Variants in CUL2 observed in about 807,000 individuals in gnomAD.
CUL2 encodes cullin 2.
CUL2 carries 22 observed loss-of-function variants against 110.2 expected under a neutral mutation model. The observed-to-expected ratio is 0.20, with a 90% CI of 0.14 to 0.28. The LOEUF (loss-of-function observed/expected upper bound fraction) is 0.28. Ranked by LOEUF, CUL2 falls within the 10% of genes least tolerant of loss-of-function variation. The pLI is 1.00. For missense variants in CUL2, 631 were observed against 905.5 expected, an observed-to-expected ratio of 0.70 and a Z score of 3.89; for synonymous variants, 279 against 293.2, an observed-to-expected ratio of 0.95 and a Z score of 0.49.
Position 35,011,934 on chromosome 10 carries a change from C to T in CUL2, c.2020G>A (p.Glu674Lys), listed in dbSNP as rs1468696147. Reference protein sequence around the residue: ...EMEQTRSAVDEDRKMYLQAAI... With the variant: ...EMEQTRSAVDKDRKMYLQAAI... The stretch of plus-strand genomic sequence containing the variant: ...GCTTGGAGATACATTTTCCGGTCCT[C>T]ATCAACTGCACTTCTAGTCTGCTCC... The change falls in exon 20 of 21, where the codon GAG becomes AAG. Residue 674 changes from glutamate (E) to lysine (K), a missense_variant. By Grantham distance (56) the Glu-to-Lys change is moderately conservative (BLOSUM62 1). Coordinates refer to ENST00000374749, the MANE Select transcript of CUL2 (RefSeq NM_003591.4). 6.2e-7 allele frequency: 1 copy of T among 1,610,346 alleles called. No individual in the cohort carries two copies.
At chr10:35,010,603 C>T (rs2084875398) in intron 20 of CUL2, among the ~76,000 whole-genome samples, 161 bp from the exon 21 acceptor site, 1 of 152,124 alleles carries the variant, frequency 6.6e-6, no homozygotes, top group African/African-American at 2.4e-5. Context: ...ATGGATACAG[C>T]AAAATCTAAT....
At chr10:35,102,114 C>G (rs2087388200) in intron 1 of CUL2, among the ~76,000 whole-genome samples, 1 of 152,040 alleles carries the variant, frequency 6.6e-6, no homozygotes. Context: ...GTGGCACATG[C>G]CTGTAATCCC....
chr10:35,110,260 G>A (rs2087509416), intron 1 of CUL2, among the ~76,000 whole-genome samples: 1 of 152,172 alleles, frequency 6.6e-6, no homozygotes, highest in Non-Finnish European at 1.5e-5. Flanking sequence ...CACAGACTGG[G>A]TGGATTAAAG....
Position 35,087,602 on chromosome 10 carries a change from CTCT to C in CUL2, c.-23+2574_-23+2576del, listed in dbSNP as rs1254857418. On this transcript the variant is annotated intron_variant, in intron 1 of 20. Transcript: ENST00000374749. ...CATACAACAGCCTGCTTCCCCCAAC[CTCT>C]TCTTCATCTCAGTACACAGCATCAT... is the stretch of plus-strand genomic sequence containing the variant. Among the ~76,000 whole-genome samples the C allele has an allele frequency of 7.9e-5, 12 of 152,286 alleles. No individual in the cohort carries two copies. In the East Asian group the frequency reaches 1.7e-3, roughly 22 times the overall value.
At chr10:35,034,905 C>T (rs561346132) in intron 10 of CUL2, among the ~76,000 whole-genome samples, 6 of 152,244 alleles carry the variant, frequency 3.9e-5, no homozygotes, top group East Asian at 1.9e-4. Context: ...TTAAAAATGG[C>T]GAGCTTATTT....
Position 35,010,319 on chromosome 10 carries a change from C to G in CUL2, c.2230G>C (p.Val744Leu). 6.2e-7 allele frequency: 1 copy of G among 1,608,868 alleles called. No individual in the cohort carries two copies. Among genetic ancestry groups the G allele is most frequent in the Non-Finnish European group, 8.5e-7 (1 of 1,177,496 alleles). The change falls in exon 21 of 21, where the codon GTC becomes CTC. Residue 744 changes from valine (V) to leucine (L), a missense_variant. This residue lies in a region of CUL2 where 159 missense variants were observed against 202.7 expected (regional missense o/e 0.78). Coordinates refer to ENST00000374749, the MANE Select transcript of CUL2 (RefSeq NM_003591.4). The part of the protein sequence containing the change: ...SQASADEYSY[V>L]A ...GCTGGAGGAGAGCGACATCACGCGA[C>G]GTAGCTGTATTCATCTGCCGACGCC...
chr10:35,020,656 T>C (rs962515980), intron 17 of CUL2, among the ~76,000 whole-genome samples: 3 of 152,174 alleles, frequency 2.0e-5, no homozygotes, highest in Non-Finnish European at 2.9e-5. Flanking sequence ...TGACCAGCAA[T>C]CTCTACAACT....
At chr10:35,030,978 A>G (rs2085467848) in intron 14 of CUL2, among the ~76,000 whole-genome samples, 2 of 152,254 alleles carry the variant, frequency 1.3e-5, no homozygotes, top group African/African-American at 4.8e-5. Context: ...ATCGGTATGT[A>G]AGCAAGCTGA....
chr10:35,024,645 T>G (rs1489229327), intron 17 of CUL2, among the ~76,000 whole-genome samples: 1 of 152,198 alleles, frequency 6.6e-6, no homozygotes, highest in East Asian at 1.9e-4. Flanking sequence ...AATTAGATTG[T>G]GATAAAAGTT....
At chr10:35,013,646 C>A in intron 19 of CUL2, 53 bp downstream of exon 19, 1 of 1,157,260 alleles carries the variant, frequency 8.6e-7, no homozygotes. Flanking sequence ...CTTGTAAAGT[C>A]CAATGCTTAA....
chr10:35,040,021 C>T (rs2085741158), intron 8 of CUL2, among the ~76,000 whole-genome samples: 1 of 152,112 alleles, frequency 6.6e-6, no homozygotes, highest in South Asian at 2.1e-4. Flanking sequence ...GGTGTGGTGG[C>T]AGGTGCCTGT....
intron 1 of CUL2, among the ~76,000 whole-genome samples, chr10:35,125,418 T>C (rs947709418): frequency 1.2e-4 from 18 of 152,260 alleles, no homozygotes; most frequent in Admixed American, 3.9e-4. Context: ...TTCCTTTGAT[T>C]CTTTTTGATT....
chr10:35,048,831 T>C (rs900257095), intron 6 of CUL2, among the ~76,000 whole-genome samples: 1 of 152,198 alleles, frequency 6.6e-6, no homozygotes, highest in Non-Finnish European at 1.5e-5. Flanking sequence ...ATGTGAGGCA[T>C]AGGGGTGGGT....
chr10:35,047,393 G>A (rs1211845116), intron 6 of CUL2, among the ~76,000 whole-genome samples: 4 of 151,172 alleles, frequency 2.6e-5, no homozygotes, highest in Admixed American at 6.6e-5. Context: ...GGTGGATCAC[G>A]AGGTCAGGAG....
chr10:35,088,623 C>T (rs911548168), intron 1 of CUL2, among the ~76,000 whole-genome samples: 13 of 151,124 alleles, frequency 8.6e-5, no homozygotes, highest in African/African-American at 2.9e-4. Flanking sequence ...TGCCAGACAA[C>T]GCAAAAATGA....
At chr10:35,088,639 A>G (rs1020527206) in intron 1 of CUL2, among the ~76,000 whole-genome samples, 2 of 152,296 alleles carry the variant, frequency 1.3e-5, no homozygotes, top group African/African-American at 4.8e-5. Context: ...AATGACTTTA[A>G]AGAAGGTCCA....
intron 17 of CUL2, among the ~76,000 whole-genome samples, chr10:35,023,522 GA>G (rs1364328427): frequency 6.6e-6 from 1 of 152,108 alleles, no homozygotes; most frequent in Non-Finnish European, 1.5e-5. Flanking sequence ...TGATATTGGT[GA>G]CTATTTTCAA....
In CUL2 at chr10:35,032,418, G is replaced by A; in HGVS notation, c.1170+17C>T. ...TGACTTTTCATAAGATTACTTTTCAGCAACCACCAAACTTACCAGTTCAGG... is the reference window on the plus strand; with the variant it reads ...TGACTTTTCATAAGATTACTTTTCAACAACCACCAAACTTACCAGTTCAGG... On this transcript the variant is annotated intron_variant, in intron 12 of 20. Transcript: ENST00000374749. 6.3e-7 allele frequency: 1 copy of A among 1,575,646 alleles called. No individual in the cohort carries two copies. The highest frequency in any genetic ancestry group is 1.2e-5 in the South Asian group (1 of 83,960).
At position 35,105,201 on chromosome 10, in the gene CUL2, G is replaced by A. The variant is rs989904028; in HGVS notation, c.-50-4141C>T. ...AGCACTTTGGGAGGCCGAGGCGGGC[G>A]GATCACGAGGTCAGGAAATCGAGAC... On this transcript the variant is annotated intron_variant, in intron 1 of 5. Coordinates refer to the CUL2 transcript ENST00000685421. 1.1e-3 allele frequency among the ~76,000 whole-genome samples: 172 copies of A among 151,366 alleles called. 1 individual carries two copies. The highest frequency in any genetic ancestry group is 3.8e-3 in the African/African-American group (157 of 41,394).
Sources: allele counts gnomAD v4.1 joint callset (sites outside exome capture counted in the v4.1 genomes callset), GRCh38; gene constraint gnomAD v4.1.1; regional missense constraint gnomAD v4.1.1; transcripts MANE v1.5; gene names NCBI Gene and HGNC (gene_info 2026-07-23, HGNC 2026-07-21).